FAM13A: variants seen among roughly 807,000 people sequenced by gnomAD.
The protein encoded by FAM13A is protein FAM13A.
In FAM13A, 76 loss-of-function variants were observed where a neutral mutation model predicts 129.6. That is an observed-to-expected ratio of 0.59 (90% CI 0.49 to 0.71). The LOEUF (loss-of-function observed/expected upper bound fraction) is 0.71. Ranked by LOEUF, FAM13A falls within the 30% of genes least tolerant of loss-of-function variation. The pLI, the probability that FAM13A is intolerant of heterozygous loss-of-function variation, is 0.00. For synonymous variants in FAM13A, 443 were observed against 449.9 expected, an observed-to-expected ratio of 0.98 and a Z score of 0.20; for missense variants, 1,108 against 1,249.3, an observed-to-expected ratio of 0.89 and a Z score of 1.70.
intron 11 of FAM13A, among the ~76,000 whole-genome samples, chr4:88,770,245 C>T (rs1720372528): frequency 6.6e-6 from 1 of 152,160 alleles, no homozygotes; most frequent in Non-Finnish European, 1.5e-5. Flanking sequence ...AGAATAATTG[C>T]TCTTATTACC....
intron 7 of FAM13A, among the ~76,000 whole-genome samples, chr4:88,828,530 A>G (rs899639997): frequency 1.3e-5 from 2 of 152,074 alleles, no homozygotes; most frequent in Non-Finnish European, 2.9e-5. Flanking sequence ...TATTATTTGA[A>G]TCTGCTGTAT....
chr4:88,774,929 CA>C (rs1721381446), intron 11 of FAM13A, among the ~76,000 whole-genome samples: 1 of 152,098 alleles, frequency 6.6e-6, no homozygotes, highest in South Asian at 2.1e-4. Context: ...TTGGTTTCAA[CA>C]TGTTGACTTT....
At chr4:88,748,348 T>C (rs573396800) in intron 17 of FAM13A, among the ~76,000 whole-genome samples, 20 of 152,336 alleles carry the variant, frequency 1.3e-4, no homozygotes, top group African/African-American at 4.3e-4. Flanking sequence ...TTTGATTACA[T>C]GGAATGTTTC....
At chr4:88,900,780 C>A (rs1271303500) in intron 6 of FAM13A, among the ~76,000 whole-genome samples, 1 of 152,090 alleles carries the variant, frequency 6.6e-6, no homozygotes, top group Non-Finnish European at 1.5e-5. Flanking sequence ...ATGATAGGAT[C>A]AAATTCACAC....
At chr4:88,992,611 G>A (rs1016574865) in intron 3 of FAM13A, among the ~76,000 whole-genome samples, 5 of 151,982 alleles carry the variant, frequency 3.3e-5, no homozygotes, top group African/African-American at 7.3e-5. Context: ...TACAAAAGAC[G>A]AATAACCCAG....
intron 14 of FAM13A, among the ~76,000 whole-genome samples, chr4:88,757,295 C>T (rs1240919978): frequency 2.0e-5 from 3 of 152,082 alleles, no homozygotes; most frequent in Admixed American, 2.0e-4. Context: ...AAAAATGTGG[C>T]TAATTTGAAT....
chr4:88,802,043 C>A (rs1727567786), intron 8 of FAM13A, among the ~76,000 whole-genome samples: 1 of 152,076 alleles, frequency 6.6e-6, no homozygotes, highest in Admixed American at 6.5e-5. Context: ...CACAGAAGAA[C>A]ACCACCACCA....
intron 3 of FAM13A, among the ~76,000 whole-genome samples, chr4:89,019,780 A>AG (rs1183545869): frequency 1.1e-4 from 16 of 151,186 alleles, no homozygotes; most frequent in Admixed American, 2.6e-4. Flanking sequence ...AAAAAAAAAA[A>AG]AGCAAGTTCT....
chr4:88,738,170 TAAG>T (rs1382245150), intron 20 of FAM13A, among the ~76,000 whole-genome samples: 1 of 152,238 alleles, frequency 6.6e-6, no homozygotes, highest in East Asian at 1.9e-4. Context: ...GGCCTAGAAA[TAAG>T]AAGGGCATTT....
chr4:88,876,215 C>T (rs2150104283), intron 6 of FAM13A, among the ~76,000 whole-genome samples: 1 of 152,136 alleles, frequency 6.6e-6, no homozygotes, highest in South Asian at 2.1e-4. Flanking sequence ...GGGTGCAGCA[C>T]ACAAACATGG....
chr4:88,811,034 A>G (rs1729575158), intron 7 of FAM13A, among the ~76,000 whole-genome samples: 2 of 152,144 alleles, frequency 1.3e-5, no homozygotes, highest in African/African-American at 4.8e-5. Flanking sequence ...TATAATGCAC[A>G]CTGAATGAAT....
intron 17 of FAM13A, 69 bp downstream of exon 17, chr4:88,748,883 G>T: frequency 1.9e-6 from 2 of 1,070,658 alleles, no homozygotes; most frequent in South Asian, 2.5e-5. Context: ...GGCACTCAGT[G>T]GGAGAGGAGG....
At chr4:88,985,263 T>G (rs536064654) in intron 4 of FAM13A, among the ~76,000 whole-genome samples, 1 of 152,168 alleles carries the variant, frequency 6.6e-6, no homozygotes, top group Non-Finnish European at 1.5e-5. Context: ...AGAAAGTAGA[T>G]GAGTGGTTGC....
At chr4:88,934,751 C>T (rs530458084) in intron 5 of FAM13A, among the ~76,000 whole-genome samples, 60 of 152,178 alleles carry the variant, frequency 3.9e-4, no homozygotes, top group Non-Finnish European at 7.6e-4. Context: ...GAAAAGAAAC[C>T]TCCAACTTAA....
chr4:89,055,317 A>T (rs1433496918), intron 1 of FAM13A, among the ~76,000 whole-genome samples: 2 of 152,194 alleles, frequency 1.3e-5, no homozygotes, highest in Non-Finnish European at 2.9e-5. Flanking sequence ...AGTAAAACCA[A>T]GACAGCACAA....
At chr4:88,976,380 G>T (rs534499946) in intron 4 of FAM13A, among the ~76,000 whole-genome samples, 3 of 152,218 alleles carry the variant, frequency 2.0e-5, no homozygotes, top group African/African-American at 7.2e-5. Context: ...AACAACTAAG[G>T]CTGGTTATTC....
intron 8 of FAM13A, among the ~76,000 whole-genome samples, chr4:88,793,909 TA>T (rs1264138432): frequency 2.0e-5 from 3 of 151,960 alleles, no homozygotes; most frequent in Non-Finnish European, 2.9e-5. Context: ...AATTCACCCT[TA>T]ACAAAATTTT....
intron 6 of FAM13A, among the ~76,000 whole-genome samples, chr4:88,858,155 G>C (rs1240641936): frequency 1.3e-5 from 2 of 152,184 alleles, no homozygotes; most frequent in Non-Finnish European, 1.5e-5. Flanking sequence ...CCCCATGGTA[G>C]AGCCCCATGT....
chr4:89,036,094 C>T (rs570409548), intron 1 of FAM13A, among the ~76,000 whole-genome samples: 9 of 152,154 alleles, frequency 5.9e-5, no homozygotes, highest in South Asian at 4.2e-4. Flanking sequence ...TAATGTTCAG[C>T]GGTTGGAACA....
Sources: gnomAD v4.1 joint callset for allele counts (sites outside exome capture counted in the v4.1 genomes callset) on GRCh38, gnomAD v4.1.1 for gene constraint, MANE v1.5 for transcripts, NCBI Gene and HGNC (gene_info 2026-07-23, HGNC 2026-07-21) for gene names.